The following EPHA6 variants were observed in gnomAD, a reference collection of about 807,000 sequenced individuals.
The protein encoded by EPHA6 is ephrin type-A receptor 6.
A neutral mutation model predicts 112.0 loss-of-function variants in EPHA6; 50 were observed. That is an observed-to-expected ratio of 0.45 (90% CI 0.36 to 0.56). EPHA6 has a LOEUF of 0.56. EPHA6 is among the 20% of genes least tolerant of loss of function. The pLI, the probability that EPHA6 is intolerant of heterozygous loss-of-function variation, is 0.00. For missense variants in EPHA6, 1,280 were observed against 1,417.4 expected (o/e 0.90, Z 1.56); for synonymous variants, 529 against 490.7 (o/e 1.08, Z -1.03).
At chr3:97,719,439 G>C (rs559351173) in intron 14 of EPHA6, among the ~76,000 whole-genome samples, 25 of 152,184 alleles carry the variant, frequency 1.6e-4, no homozygotes, top group Non-Finnish European at 3.5e-4. Context: ...TCGCACTTTG[G>C]AGCTGCAGGG....
In EPHA6 at chr3:97,557,311, C is replaced by T. The variant is rs190340171; in HGVS notation, c.2386+24768C>T. On this transcript the variant is annotated intron_variant, in intron 11 of 17. Transcript: ENST00000389672. The stretch of plus-strand genomic sequence containing the variant: ...TTTCCAATACAATTATTTGTAAAAG[C>T]ACCTGATTATTGTTTTAATTTTTAT... 2.9e-3 allele frequency among the ~76,000 whole-genome samples: 447 copies of T among 152,028 alleles called. 4 individuals carry two copies. The highest frequency in any genetic ancestry group is 0.01 in the African/African-American group (432 of 41,512).
intron 3 of EPHA6, among the ~76,000 whole-genome samples, chr3:97,218,175 G>A (rs1289743815): frequency 6.6e-6 from 1 of 152,050 alleles, no homozygotes; most frequent in African/African-American, 2.4e-5. Context: ...GAAGGCTGAT[G>A]TGGGAGGACC....
At position 96,998,944 on chromosome 3, in the gene EPHA6, A is replaced by G. The variant is rs144083498; in HGVS notation, c.1114+10951A>G. On this transcript the variant is annotated intron_variant, in intron 3 of 17. Transcript: ENST00000389672. ...AAGAGTTTACCTCATCTGTTGAGAT[A>G]TCTTTATCTTCACTAGTTTTAGTTG... Among the ~76,000 whole-genome samples the G allele has an allele frequency of 2.8e-3, 424 of 152,052 alleles. 4 individuals carry two copies. The highest frequency in any genetic ancestry group is 0.019 in the South Asian group (94 of 4,824).
At chr3:97,115,329 G>A (rs2047853031) in intron 3 of EPHA6, among the ~76,000 whole-genome samples, 1 of 151,556 alleles carries the variant, frequency 6.6e-6, no homozygotes, top group African/African-American at 2.4e-5. Flanking sequence ...AAGAAGAAAG[G>A]TAAGGAAAAC....
intron 3 of EPHA6, among the ~76,000 whole-genome samples, chr3:97,218,336 A>G (rs974116053): frequency 1.3e-5 from 2 of 152,130 alleles, no homozygotes; most frequent in African/African-American, 2.4e-5. Context: ...TCATAGTGCT[A>G]TAAAGAACTG....
intron 3 of EPHA6, among the ~76,000 whole-genome samples, chr3:97,153,852 C>T (rs1466601185): frequency 6.6e-6 from 1 of 152,048 alleles, no homozygotes; most frequent in Non-Finnish European, 1.5e-5. Context: ...TTACAGTGAA[C>T]ACTGATACTT....
At chr3:97,727,365 T>G (rs559258716) in intron 15 of EPHA6, among the ~76,000 whole-genome samples, 10 of 152,216 alleles carry the variant, frequency 6.6e-5, no homozygotes, top group African/African-American at 2.4e-4. Flanking sequence ...AATTGATTTG[T>G]TTTTTCCAAA....
chr3:97,400,228 G>A (rs1367173077), intron 5 of EPHA6, among the ~76,000 whole-genome samples: 1 of 151,466 alleles, frequency 6.6e-6, no homozygotes, highest in Non-Finnish European at 1.5e-5. Context: ...AGGAATGTAT[G>A]TTTTTGGCAT....
At chr3:97,062,609 A>G (rs1052749019) in intron 3 of EPHA6, among the ~76,000 whole-genome samples, 1 of 152,182 alleles carries the variant, frequency 6.6e-6, no homozygotes, top group East Asian at 1.9e-4. Flanking sequence ...GGAGGGACCC[A>G]ATGGGAGATA....
chr3:97,432,546 C>A (rs1296231336), intron 6 of EPHA6, among the ~76,000 whole-genome samples: 1 of 152,084 alleles, frequency 6.6e-6, no homozygotes, highest in Non-Finnish European at 1.5e-5. Context: ...GAAAGAAGCA[C>A]TGTTTCTTGA....
chr3:97,434,433 A>G (rs1286199456), intron 6 of EPHA6, among the ~76,000 whole-genome samples: 1 of 152,134 alleles, frequency 6.6e-6, no homozygotes, highest in Non-Finnish European at 1.5e-5. Context: ...ATTTATTTTG[A>G]CTAATTTGAC....
intron 15 of EPHA6, among the ~76,000 whole-genome samples, chr3:97,733,766 T>C (rs1196794031): frequency 6.6e-6 from 1 of 152,044 alleles, no homozygotes; most frequent in Non-Finnish European, 1.5e-5. Context: ...AACTATGAAA[T>C]AAATAATTTT....
chr3:97,558,473 C>T (rs183996546), intron 11 of EPHA6, among the ~76,000 whole-genome samples: 59 of 152,106 alleles, frequency 3.9e-4, no homozygotes, highest in African/African-American at 6.0e-4. Context: ...GTTTTCCCTT[C>T]ATGGTTATTT....
At chr3:97,246,277 T>A (rs2078984585) in intron 5 of EPHA6, among the ~76,000 whole-genome samples, 2 of 151,956 alleles carry the variant, frequency 1.3e-5, no homozygotes, top group South Asian at 4.1e-4. Context: ...AAATTTAATT[T>A]CTGTACAAAA....
intron 2 of EPHA6, among the ~76,000 whole-genome samples, chr3:96,964,266 G>T (rs770249827): frequency 2.6e-5 from 4 of 152,114 alleles, no homozygotes; most frequent in Non-Finnish European, 5.9e-5. Flanking sequence ...AGGCTGGAAG[G>T]CCCAATCACA....
chr3:97,020,920 T>A lies in EPHA6; in HGVS notation c.1114+32927T>A, dbSNP rs557265946. 1.3e-3 allele frequency among the ~76,000 whole-genome samples: 196 copies of A among 152,002 alleles called. 1 individual carries two copies. Among genetic ancestry groups the A allele is most frequent in the African/African-American group, 4.6e-3 (190 of 41,344 alleles). ...TCATCACCAAGGTTTGATTTTTTTT[T>A]TAAAAAGTCAACCTCTGGCATAAAT... On this transcript the variant is annotated intron_variant, in intron 3 of 17. Coordinates refer to ENST00000389672, the MANE Select transcript of EPHA6 (RefSeq NM_001080448.3).
At chr3:97,276,019 G>T (rs1182470982) in intron 5 of EPHA6, among the ~76,000 whole-genome samples, 1 of 152,140 alleles carries the variant, frequency 6.6e-6, no homozygotes, top group Non-Finnish European at 1.5e-5. Context: ...GTCCAAGTTG[G>T]CAGCAGAGTT....
chr3:97,125,700 A>G (rs2048164854), intron 3 of EPHA6, among the ~76,000 whole-genome samples: 1 of 152,208 alleles, frequency 6.6e-6, no homozygotes, highest in Non-Finnish European at 1.5e-5. Context: ...GGATAAATAA[A>G]TGATTTAAAT....
intron 2 of EPHA6, among the ~76,000 whole-genome samples, chr3:96,913,343 T>G (rs999314511): frequency 6.6e-6 from 1 of 151,568 alleles, no homozygotes; most frequent in African/African-American, 2.4e-5. Flanking sequence ...GTACTCCAGC[T>G]TGGGTGACAG....
Sources: gnomAD v4.1 joint callset for allele counts (sites outside exome capture counted in the v4.1 genomes callset) on GRCh38, gnomAD v4.1.1 for gene constraint, MANE v1.5 for transcripts, NCBI Gene and HGNC (gene_info 2026-07-23, HGNC 2026-07-21) for gene names.